CAST: variants seen among roughly 807,000 people sequenced by gnomAD.
CAST encodes calpastatin, also known as MIR583 host.
Under a neutral mutation model 119.6 loss-of-function variants are expected in CAST, and 76 were observed. That is an observed-to-expected ratio of 0.64 (90% CI 0.53 to 0.77). The LOEUF is 0.77. Ranked by LOEUF, CAST falls within the 30% of genes least tolerant of loss-of-function variation. The probability of loss-of-function intolerance (pLI) is 0.00; values close to 1 mark genes in which losing one functional copy is unlikely to be tolerated. For missense variants in CAST, 953 were observed against 946.5 expected (o/e 1.01, Z -0.09); for synonymous variants, 319 against 331.6 (o/e 0.96, Z 0.41).
the CAST span, among the ~76,000 whole-genome samples, chr5:96,474,747 A>C: frequency 6.6e-6 from 1 of 152,112 alleles, no homozygotes; most frequent in Admixed American, 6.5e-5. Flanking sequence ...TTCTGGCTGC[A>C]TGGTAAAAAA....
At chr5:96,662,563 C>G (rs1748685595) in intron 1 of CAST, 66 bp downstream of exon 1, 2 of 1,322,576 alleles carry the variant, frequency 1.5e-6, no homozygotes, top group Non-Finnish European at 1.9e-6. Context: ...GAGCTGTGGC[C>G]GCCCTCCCTG....
the CAST span, among the ~76,000 whole-genome samples, chr5:95,991,866 CAGAAATTAT>C: frequency 9.3e-4 from 141 of 152,192 alleles, no homozygotes; most frequent in East Asian, 4.8e-3. Context: ...GTCCAACCCA[CAGAAATTAT>C]AAATACTCAA....
At chr5:96,506,820 G>C in the CAST span, among the ~76,000 whole-genome samples, 1 of 152,186 alleles carries the variant, frequency 6.6e-6, no homozygotes, top group South Asian at 2.1e-4. Flanking sequence ...CTGAGGCTTT[G>C]ACTGCAATTC....
the CAST span, among the ~76,000 whole-genome samples, chr5:96,439,776 C>A: frequency 6.6e-6 from 1 of 152,142 alleles, no homozygotes; most frequent in Non-Finnish European, 1.5e-5. Flanking sequence ...TTTCTCACCT[C>A]CCTCCAGTGA....
intron 1 of CAST, among the ~76,000 whole-genome samples, chr5:96,622,025 A>G (rs889341926): frequency 6.3e-5 from 8 of 127,520 alleles, no homozygotes; most frequent in Admixed American, 2.0e-4. Flanking sequence ...GCTGGAGTGC[A>G]GTGGCGCAAT....
chr5:96,496,220 G>A, the CAST span, among the ~76,000 whole-genome samples: 2 of 151,660 alleles, frequency 1.3e-5, no homozygotes, highest in East Asian at 3.8e-4. Context: ...TTTTCATATA[G>A]TTTTAATTTT....
At chr5:96,131,388 T>C in the CAST span, among the ~76,000 whole-genome samples, 1 of 151,780 alleles carries the variant, frequency 6.6e-6, no homozygotes, top group Admixed American at 6.6e-5. Flanking sequence ...GAGAATGGAA[T>C]GCAGCTGTAA....
intron 1 of CAST, among the ~76,000 whole-genome samples, chr5:96,663,352 C>A (rs1748852192): frequency 6.6e-6 from 1 of 152,198 alleles, no homozygotes; most frequent in Non-Finnish European, 1.5e-5. Flanking sequence ...AGGGGACTCA[C>A]CCTCTTGTGG....
At chr5:96,097,449 C>T in the CAST span, among the ~76,000 whole-genome samples, 13 of 151,698 alleles carry the variant, frequency 8.6e-5, no homozygotes, top group African/African-American at 3.1e-4. Context: ...AGGTATTAAA[C>T]CTAGTTCCCA....
At chr5:96,316,029 C>T in the CAST span, among the ~76,000 whole-genome samples, 2 of 152,138 alleles carry the variant, frequency 1.3e-5, no homozygotes, top group South Asian at 2.1e-4. Flanking sequence ...CAAAACCCAC[C>T]CAGCTGAGCC....
the CAST span, chr5:96,214,911 A>G: frequency 6.6e-6 from 1 of 152,172 alleles, no homozygotes; most frequent in Non-Finnish European, 1.5e-5. Context: ...CTTTCTGGCC[A>G]AATTCTTAAA....
the CAST span, among the ~76,000 whole-genome samples, chr5:96,066,394 C>CT: frequency 5.4e-4 from 79 of 145,080 alleles, no homozygotes; most frequent in East Asian, 7.0e-3. Context: ...CTCTAACAAC[C>CT]TTTTTTTTTT....
Position 96,629,774 on chromosome 5 carries a change from G to C in CAST, c.61-45765G>C, listed in dbSNP as rs1580852679. ...AAACCCACTGCTCTGCTGTCTGGGA[G>C]AAATGTTTTCTTCATCACTCTCTGC... On this transcript the variant is annotated intron_variant, in intron 1 of 11. Coordinates refer to the CAST transcript ENST00000505143. 2.6e-5 allele frequency among the ~76,000 whole-genome samples: 4 copies of C among 152,242 alleles called. 1 individual carries two copies. Among genetic ancestry groups the C allele is most frequent in the African/African-American group, 9.6e-5 (4 of 41,458 alleles).
the CAST span, among the ~76,000 whole-genome samples, chr5:96,264,123 T>C: frequency 6.6e-6 from 1 of 152,242 alleles, no homozygotes; most frequent in Admixed American, 6.5e-5. Flanking sequence ...ATTATCTTTG[T>C]TGTAAATTGT....
At chr5:96,378,315 T>A in the CAST span, among the ~76,000 whole-genome samples, 1 of 152,138 alleles carries the variant, frequency 6.6e-6, no homozygotes, top group African/African-American at 2.4e-5. Context: ...AGCAGATAGG[T>A]CTTAAATGTT....
the CAST span, among the ~76,000 whole-genome samples, chr5:96,407,656 G>A: frequency 6.6e-6 from 1 of 152,188 alleles, no homozygotes; most frequent in Non-Finnish European, 1.5e-5. Context: ...TGGTGTTTAA[G>A]CATGATTAGA....
intron 1 of CAST, among the ~76,000 whole-genome samples, chr5:96,560,335 C>G (rs1373510326): frequency 1.4e-4 from 22 of 152,052 alleles, no homozygotes; most frequent in African/African-American, 5.1e-4. Context: ...GCAATGGCAA[C>G]AAAAGCCAAA....
At chr5:96,670,360 T>G (rs1485572228) in intron 1 of CAST, among the ~76,000 whole-genome samples, 1 of 152,110 alleles carries the variant, frequency 6.6e-6, no homozygotes, top group African/African-American at 2.4e-5. Context: ...GCCTCATACT[T>G]TAAAAAATAA....
At chr5:96,763,087 C>T in intron 25 of CAST, 2 of 773,728 alleles carry the variant, frequency 2.6e-6, no homozygotes, top group South Asian at 1.4e-5. Flanking sequence ...AGAACAGTGC[C>T]TCATTTGCTA....
Sources: gnomAD v4.1 joint callset for allele counts (sites outside exome capture counted in the v4.1 genomes callset) on GRCh38, gnomAD v4.1.1 for gene constraint, MANE v1.5 for transcripts, NCBI Gene and HGNC (gene_info 2026-07-23, HGNC 2026-07-21) for gene names.